USP22: variants seen among roughly 807,000 people sequenced by gnomAD.
USP22 encodes the protein ubiquitin specific peptidase 22.
USP22 carries 22 observed loss-of-function variants against 68.1 expected under a neutral mutation model. The observed-to-expected ratio is 0.32, with a 90% CI of 0.23 to 0.46. USP22 has a LOEUF of 0.46. Among genes scored for constraint, USP22 ranks in the 20% least tolerant of loss-of-function variants. The pLI, the probability that USP22 is intolerant of heterozygous loss-of-function variation, is 1.00. For missense variants in USP22, 433 were observed against 695.8 expected (o/e 0.62, Z 4.25); for synonymous variants, 279 against 274.2 (o/e 1.02, Z -0.17).
intron 12 of USP22, 83 bp from the exon 13 acceptor site, chr17:21,003,156 C>T (rs1441697082): frequency 1.0e-5 from 16 of 1,532,484 alleles, no homozygotes; most frequent in African/African-American, 6.8e-5. Flanking sequence ...CAAAAGCCTA[C>T]GTGCTCTGCG....
upstream of USP22, chr17:21,043,400 C>T (rs1056163195): frequency 1.9e-5 from 7 of 365,492 alleles, no homozygotes; most frequent in Non-Finnish European, 3.4e-5. Flanking sequence ...CTAGACGTTC[C>T]CTGTCTCTTC....
intron 4 of USP22, 134 bp from the exon 5 acceptor site, chr17:21,018,245 T>G (rs1168832619): frequency 1.2e-6 from 1 of 810,588 alleles, no homozygotes; most frequent in Non-Finnish European, 1.8e-6. Context: ...CACGATGAGA[T>G]ATCGCATTCT....
At chr17:21,031,505 A>G (rs888982602) in intron 1 of USP22, among the ~76,000 whole-genome samples, 1 of 151,854 alleles carries the variant, frequency 6.6e-6, no homozygotes, top group African/African-American at 2.4e-5. Flanking sequence ...TCTCTACTAC[A>G]CAACCTAGGA....
intron 3 of USP22, among the ~76,000 whole-genome samples, chr17:21,019,663 A>C (rs1972130016): frequency 1.5e-5 from 1 of 65,928 alleles, no homozygotes; most frequent in African/African-American, 4.7e-5. Flanking sequence ...GTGCCACAAA[A>C]TATTCAGAGA....
Position 21,016,082 on chromosome 17 carries a change from C to T in USP22, c.691-183G>A, listed in dbSNP as rs367664021. Among the ~76,000 whole-genome samples, 8 of 151,404 alleles carry T rather than the reference C, an allele frequency of 5.3e-5. No homozygotes were observed. The East Asian group carries it at 5.8e-4, about 11-fold the overall frequency. Reference sequence around the variant, plus strand: ...TTTTATCTGGGCTCACTGGACTTTTCGAGTCCTCATATGAATTTTTTCCTT... The same window carrying T: ...TTTTATCTGGGCTCACTGGACTTTTTGAGTCCTCATATGAATTTTTTCCTT... On this transcript the variant is annotated intron_variant, in intron 5 of 12. Coordinates refer to ENST00000261497, the MANE Select transcript of USP22 (RefSeq NM_015276.2).
intron 3 of USP22, among the ~76,000 whole-genome samples, chr17:21,019,909 A>C (rs1346520788): frequency 6.6e-6 from 1 of 152,242 alleles, no homozygotes; most frequent in African/African-American, 2.4e-5. Context: ...ACCCACACTT[A>C]GTCACAATGT....
chr17:21,007,549 G>C (rs1298396798), intron 9 of USP22, among the ~76,000 whole-genome samples: 1 of 152,194 alleles, frequency 6.6e-6, no homozygotes, highest in African/African-American at 2.4e-5. Context: ...GAGGGCCTTT[G>C]TCTTAAAATA....
intron 1 of USP22, among the ~76,000 whole-genome samples, chr17:21,040,880 G>A (rs1433250359): frequency 1.5e-5 from 2 of 134,492 alleles, no homozygotes; most frequent in African/African-American, 2.9e-5. Flanking sequence ...GCTTCAACCA[G>A]GCCACCCTTT....
chr17:21,018,330 A>G (rs1972113226), intron 4 of USP22: 1 of 457,564 alleles, frequency 2.2e-6, no homozygotes. Context: ...CACTTCAGCC[A>G]TTGTATGCTT....
intron 12 of USP22, 120 bp from the exon 13 acceptor site, chr17:21,003,193 T>C: frequency 8.2e-7 from 1 of 1,224,522 alleles, no homozygotes; most frequent in Non-Finnish European, 1.2e-6. Context: ...CAGGCCCGAG[T>C]TGATGGTTTT....
At chr17:21,016,445 C>G (rs1450179705) in intron 5 of USP22, among the ~76,000 whole-genome samples, 1 of 152,238 alleles carries the variant, frequency 6.6e-6, no homozygotes, top group Non-Finnish European at 1.5e-5. Flanking sequence ...GGTCAGAACC[C>G]ACAGAGGGGT....
At position 20,999,822 on chromosome 17, in the gene USP22, C is replaced by T. The variant is rs577204944; in HGVS notation, c.*3209G>A. 3.3e-5 allele frequency: 5 copies of T among 152,310 alleles called. No individual in the cohort carries two copies. The highest frequency in any genetic ancestry group is 1.2e-4 in the African/African-American group (5 of 41,562). The allele number at this position is 152,310 out of a possible 1,614,324, so 9.4% of individuals were successfully genotyped here. A position where few individuals can be genotyped will look rare whatever the true frequency, so the allele number is the denominator to read the frequency against. On this transcript the variant is annotated 3_prime_UTR_variant, in exon 13 of 13. Transcript: ENST00000261497. Reference sequence around the variant, plus strand: ...AATTGTCAAAAGAACAGCAATTTTACACAATGAAGAGCATACACACCAAGC... The same window carrying T: ...AATTGTCAAAAGAACAGCAATTTTATACAATGAAGAGCATACACACCAAGC...
chr17:21,037,744 T>C (rs1372227409), intron 1 of USP22, among the ~76,000 whole-genome samples: 1 of 152,190 alleles, frequency 6.6e-6, no homozygotes, highest in Non-Finnish European at 1.5e-5. Flanking sequence ...AAGTATGCAG[T>C]GTAGTTAATG....
Position 21,008,012 on chromosome 17 carries a change from A to T in USP22, c.1104-16T>A, listed in dbSNP as rs755005327. The T allele has an allele frequency of 7.4e-6, 12 of 1,613,230 alleles. No homozygotes were observed. Among genetic ancestry groups the T allele is most frequent in the Non-Finnish European group, 1.0e-5 (12 of 1,179,596 alleles). On this transcript the variant is annotated splice_polypyrimidine_tract_variant and intron_variant, in intron 8 of 12. Transcript: ENST00000261497. Reference sequence around the variant, plus strand: ...TCTGGTGAATCTACAGGCGTTCAAAAAAGACAGGAGCGGTAAGGGAGATGC... The same window carrying T: ...TCTGGTGAATCTACAGGCGTTCAAATAAGACAGGAGCGGTAAGGGAGATGC...
At chr17:21,021,365 A>C (rs1055931140) in intron 2 of USP22, 139 bp from the exon 3 acceptor site, 30 of 632,664 alleles carry the variant, frequency 4.7e-5, no homozygotes, top group Non-Finnish European at 7.2e-5. Flanking sequence ...CAGGGAAGCC[A>C]GTCCAGCGGA....
chr17:21,022,792 C>A (rs1243800624), intron 2 of USP22, among the ~76,000 whole-genome samples: 7 of 98,370 alleles, frequency 7.1e-5, no homozygotes, highest in African/African-American at 1.7e-4. Context: ...GAGCGAGACT[C>A]CGTCTCAAAA....
At chr17:21,038,769 T>C (rs1972388854) in intron 1 of USP22, among the ~76,000 whole-genome samples, 1 of 152,182 alleles carries the variant, frequency 6.6e-6, no homozygotes, top group African/African-American at 2.4e-5. Flanking sequence ...TTTAAAAACA[T>C]TACCTGTTCT....
At chr17:21,032,023 G>A (rs182719397) in intron 1 of USP22, among the ~76,000 whole-genome samples, 4 of 152,230 alleles carry the variant, frequency 2.6e-5, no homozygotes, top group African/African-American at 9.6e-5. Flanking sequence ...TTCAGTGAAT[G>A]ACAGGCTGCA....
chr17:21,023,861 T>G (rs1359028516), intron 2 of USP22, among the ~76,000 whole-genome samples: 1 of 152,218 alleles, frequency 6.6e-6, no homozygotes, highest in Non-Finnish European at 1.5e-5. Flanking sequence ...GCAACGGTAC[T>G]AGTGCTTCCC....
Sources: gnomAD v4.1 joint callset for allele counts (sites outside exome capture counted in the v4.1 genomes callset) on GRCh38, gnomAD v4.1.1 for gene constraint, MANE v1.5 for transcripts, NCBI Gene and HGNC (gene_info 2026-07-23, HGNC 2026-07-21) for gene names.